Variants in ZNF790 observed in about 807,000 individuals in gnomAD.
The protein encoded by ZNF790 is zinc finger protein 790.
ZNF790 carries 8 observed loss-of-function variants against 12.1 expected under a neutral mutation model. That is an observed-to-expected ratio of 0.66 (90% CI 0.39 to 1.19). The LOEUF is 1.19. ZNF790 is among the 50% of genes most tolerant of loss of function. The pLI, the probability that ZNF790 is intolerant of heterozygous loss-of-function variation, is 0.01. For synonymous variants in ZNF790, 252 were observed against 244.3 expected, an observed-to-expected ratio of 1.03 and a Z score of -0.29; for missense variants, 707 against 752.2, an observed-to-expected ratio of 0.94 and a Z score of 0.70.
chr19:36,849,070 G>A (rs2072212344), intron 1 of ZNF790, among the ~76,000 whole-genome samples: 1 of 152,122 alleles, frequency 6.6e-6, no homozygotes, highest in African/African-American at 2.4e-5. Flanking sequence ...TGGGATTACA[G>A]GCGTGAGCCA....
In ZNF790 at chr19:36,844,007, C is replaced by CA. The variant is rs397782483; in HGVS notation, c.-74+5994dup. Among the ~76,000 whole-genome samples, 558 of 86,448 alleles carry CA rather than the reference C, an allele frequency of 6.5e-3. 3 individuals carry two copies. The highest frequency in any genetic ancestry group is 0.014 in the South Asian group (40 of 2,852). The allele number at this position is 86,448 out of a possible 152,430, so 56.7% of individuals were successfully genotyped here. On this transcript the variant is annotated intron_variant, in intron 1 of 4. Transcript: ENST00000528994. ...TGGCAACAAGAGCGAAACTCCATCT[C>CA]AAAAAAAAAAAAAAATTAAAAAAAA... is the stretch of plus-strand genomic sequence containing the variant.
chr19:36,827,177 T>TATATATATATAC (rs1387560651), intron 1 of ZNF790, among the ~76,000 whole-genome samples: 2 of 121,226 alleles, frequency 1.6e-5, no homozygotes, highest in Admixed American at 8.4e-5. Context: ...TATATATATA[T>TATATATATATAC]ACACTTACCA....
chr19:36,818,707 C>A lies in ZNF790; in HGVS notation c.1637G>T (p.Gly546Val), dbSNP rs751820449. The change falls in exon 5 of 5, where the codon GGT becomes GTT. Residue 546 changes from glycine (G) to valine (V), a missense_variant. Physicochemically the swap from Gly to Val is moderately radical, Grantham distance 109 (BLOSUM62 -3). Coordinates refer to ENST00000356725, the MANE Select transcript of ZNF790 (RefSeq NM_206894.4). ...TTTCTTATGTCGTGTAAGCTGTGAA[C>A]CCCAGATAAAAGATTTCCCACATTC... ...CKECGKSFIW[G>V]SQLTRHKKIH... 6.2e-7 allele frequency: 1 copy of A among 1,613,444 alleles called. No individual in the cohort carries two copies. The highest frequency in any genetic ancestry group is 8.5e-7 in the Non-Finnish European group (1 of 1,179,830).
chr19:36,820,859 C>G (rs1242140824), intron 4 of ZNF790, among the ~76,000 whole-genome samples: 1 of 150,360 alleles, frequency 6.7e-6, no homozygotes, highest in Non-Finnish European at 1.5e-5. Flanking sequence ...CACACTACCA[C>G]ACTCCAGCAT....
chr19:36,845,625 C>T (rs2072173264), intron 1 of ZNF790, among the ~76,000 whole-genome samples: 1 of 152,022 alleles, frequency 6.6e-6, no homozygotes, highest in Middle Eastern at 3.2e-3. Flanking sequence ...ATGGTAAAGT[C>T]AATAATTTGT....
chr19:36,825,810 A>G (rs1260673245), intron 1 of ZNF790, 118 bp from the exon 2 acceptor site: 7 of 639,862 alleles, frequency 1.1e-5, no homozygotes, highest in Non-Finnish European at 1.9e-5. Context: ...TCCTGGCCCT[A>G]TCCAAAACCA....
intron 1 of ZNF790, among the ~76,000 whole-genome samples, chr19:36,829,415 G>A (rs559088335): frequency 1.4e-4 from 21 of 152,200 alleles, no homozygotes; most frequent in Admixed American, 9.8e-4. Flanking sequence ...CTTCTTTCAC[G>A]TAGCATAAGG....
At position 36,830,277 on chromosome 19, in the gene ZNF790, C is replaced by CTCTA. The variant is rs371954720; in HGVS notation, c.-73-4589_-73-4586dup. 6.6e-5 allele frequency among the ~76,000 whole-genome samples: 10 copies of CTCTA among 152,234 alleles called. No individual in the cohort carries two copies. In the East Asian group the frequency reaches 1.9e-3, roughly 29 times the overall value. ...TATTGGCTCTGGTCAAATGCCTTATCTCTATCTATTGAGATGATTGTGTGA... is the reference window on the plus strand; with the variant it reads ...TATTGGCTCTGGTCAAATGCCTTATCTCTATCTATCTATTGAGATGATTGTGTGA... On this transcript the variant is annotated intron_variant, in intron 1 of 4. Coordinates refer to ENST00000356725, the MANE Select transcript of ZNF790 (RefSeq NM_206894.4).
chr19:36,827,647 CAG>C (rs1415194483), intron 1 of ZNF790: 1 of 152,220 alleles, frequency 6.6e-6, no homozygotes, highest in Non-Finnish European at 1.5e-5. Context: ...TTTTCCTCCA[CAG>C]GGGCTCACCA....
chr19:36,830,018 C>T (rs2071915662), intron 1 of ZNF790, among the ~76,000 whole-genome samples: 1 of 152,114 alleles, frequency 6.6e-6, no homozygotes. Flanking sequence ...GTGTTCCGTT[C>T]TTTTCTCCAG....
In ZNF790 at chr19:36,819,284, TTAGG is replaced by T. The variant is rs1472007325; in HGVS notation, c.1056_1059del (p.His352GlnfsTer300). The T allele has an allele frequency of 6.2e-7, 1 of 1,612,020 alleles. No individual in the cohort carries two copies. The highest frequency in any genetic ancestry group is 8.5e-7 in the Non-Finnish European group (1 of 1,178,844). ...CCAGTATGAATTCTCTGATGCTGAGTTAGGTGTGATCCACGAGTAAAAGCTTTCC... is the reference window on the plus strand; with the variant it reads ...CCAGTATGAATTCTCTGATGCTGAGTTGTGATCCACGAGTAAAAGCTTTCC... On this transcript the variant is annotated frameshift_variant, in exon 5 of 5. Transcript: ENST00000356725. LOFTEE classifies it low-confidence loss of function (END_TRUNC).
upstream of ZNF790, among the ~76,000 whole-genome samples, chr19:36,841,906 G>A (rs1265578457): frequency 2.0e-5 from 3 of 151,874 alleles, no homozygotes; most frequent in African/African-American, 7.3e-5. Flanking sequence ...TAGAGACAAG[G>A]TTTCACTATG....
chr19:36,827,141 C>CATATATACAT (rs2071836132), intron 1 of ZNF790, among the ~76,000 whole-genome samples: 1 of 84,440 alleles, frequency 1.2e-5, no homozygotes, highest in African/African-American at 5.5e-5. Context: ...CACACACACA[C>CATATATACAT]ATATATATAT....
In ZNF790 at chr19:36,820,176, AAAAT is replaced by A. The variant is rs1460111258; in HGVS notation, c.230-66_230-63del. The A allele has an allele frequency of 2.7e-6, 4 of 1,487,920 alleles. No individual in the cohort carries two copies. In the East Asian group the frequency reaches 6.9e-5, roughly 26 times the overall value. 92.2% of individuals were successfully genotyped at this position (1,487,920 alleles called of 1,614,324 possible). A position where few individuals can be genotyped will look rare whatever the true frequency, so the allele number is the denominator to read the frequency against. Reference sequence around the variant, plus strand: ...ATGTACAAAAAGCAATACAACTTCTAAAATAGATATAGAAAATCTTGAAGTAAAG... The same window carrying A: ...ATGTACAAAAAGCAATACAACTTCTAAGATATAGAAAATCTTGAAGTAAAG... On this transcript the variant is annotated intron_variant, in intron 4 of 4. Transcript: ENST00000356725.
At chr19:36,823,957 G>C (rs993966166) in intron 2 of ZNF790, 167 bp from the exon 3 acceptor site, 5 of 481,364 alleles carry the variant, frequency 1.0e-5, no homozygotes, top group Non-Finnish European at 1.8e-5. Context: ...AATGACATGG[G>C]AATAAGGGTG....
At chr19:36,844,333 CA>C (rs34420002) in intron 1 of ZNF790, among the ~76,000 whole-genome samples, 11,664 of 128,318 alleles carry the variant, frequency 0.091, 1,367 homozygotes, top group African/African-American at 0.29. Flanking sequence ...AAACAAAAAA[CA>C]AAAAAAAAAA....
upstream of ZNF790, among the ~76,000 whole-genome samples, chr19:36,842,304 G>A (rs2072136480): frequency 6.6e-6 from 1 of 152,204 alleles, no homozygotes; most frequent in African/African-American, 2.4e-5. Flanking sequence ...AGCTTAAAAT[G>A]TGCAAAGGGC....
In ZNF790 at chr19:36,838,305, TC is replaced by T. The variant is rs1224009281; in HGVS notation, c.-74+31del. ...AGCCCCGGCCTCGGGCCCTCCGGAG[TC>T]ATTCGGCTTCTGTGTCTCGGAATCA... is the stretch of plus-strand genomic sequence containing the variant. On this transcript the variant is annotated intron_variant, in intron 1 of 4. Coordinates refer to ENST00000356725, the MANE Select transcript of ZNF790 (RefSeq NM_206894.4). The surrounding 1 kb of genome is among the most constrained non-coding windows in gnomAD (Gnocchi z 4.4). 1 of 152,214 alleles carries T rather than the reference TC, an allele frequency of 6.6e-6. No homozygotes were observed. Among genetic ancestry groups the T allele is most frequent in the South Asian group, 2.1e-4 (1 of 4,824 alleles). 9.4% of individuals were successfully genotyped at this position (152,214 alleles called of 1,614,324 possible).
At position 36,825,697 on chromosome 19, in the gene ZNF790, A is replaced by G; in HGVS notation, c.-73-5T>C. 1.3e-6 allele frequency: 2 copies of G among 1,511,148 alleles called. No individual in the cohort carries two copies. Among genetic ancestry groups the G allele is most frequent in the Non-Finnish European group, 1.8e-6 (2 of 1,086,120 alleles). The allele number at this position is 1,511,148 out of a possible 1,614,324, so 93.6% of individuals were successfully genotyped here. The stretch of plus-strand genomic sequence containing the variant: ...CAGCGTGCTGGGAAAGCAGAGCTAG[A>G]AGGAAAGAATCACAAGGTCAGGCCT... On this transcript the variant is annotated splice_region_variant and splice_polypyrimidine_tract_variant and intron_variant, in intron 1 of 4. Coordinates refer to ENST00000356725, the MANE Select transcript of ZNF790 (RefSeq NM_206894.4).
Sources: gnomAD v4.1 joint callset for allele counts (sites outside exome capture counted in the v4.1 genomes callset) on GRCh38, gnomAD v4.1.1 for gene constraint, Gnocchi (gnomAD v3.1) non-coding constraint, MANE v1.5 for transcripts, NCBI Gene and HGNC (gene_info 2026-07-23, HGNC 2026-07-21) for gene names.